TIPIN: variants seen among roughly 807,000 people sequenced by gnomAD.
TIPIN encodes TIMELESS-interacting protein.
TIPIN carries 29 observed loss-of-function variants against 35.6 expected under a neutral mutation model. The observed-to-expected ratio is 0.82, with a 90% CI of 0.61 to 1.11. The LOEUF is 1.11. Among genes scored for constraint, TIPIN ranks in the 50% most tolerant of loss-of-function variants. TIPIN has a pLI of 0.00. For synonymous variants in TIPIN, 102 were observed against 121.5 expected, an observed-to-expected ratio of 0.84 and a Z score of 1.06; for missense variants, 296 against 345.4, an observed-to-expected ratio of 0.86 and a Z score of 1.13.
At chr15:66,348,859 C>A (rs534478789) in intron 6 of TIPIN, among the ~76,000 whole-genome samples, 64 of 152,206 alleles carry the variant, frequency 4.2e-4, no homozygotes, top group African/African-American at 1.5e-3. Context: ...GCGGGAGGAT[C>A]CCTTAAGCCC....
At chr15:66,339,864 A>G (rs1490655547) in intron 7 of TIPIN, among the ~76,000 whole-genome samples, 2 of 151,996 alleles carry the variant, frequency 1.3e-5, no homozygotes, top group African/African-American at 4.8e-5. Context: ...GACAAAACAC[A>G]AGAAAAAGCA....
At chr15:66,378,296 C>A (rs1391421869) in intron 1 of TIPIN, among the ~76,000 whole-genome samples, 1 of 152,094 alleles carries the variant, frequency 6.6e-6, no homozygotes, top group Non-Finnish European at 1.5e-5. Context: ...CCACCGCACC[C>A]GGCCAAATTT....
At chr15:66,375,499 TTATATATA>T (rs71139487) in intron 1 of TIPIN, among the ~76,000 whole-genome samples, 63 of 132,828 alleles carry the variant, frequency 4.7e-4, no homozygotes, top group Non-Finnish European at 3.9e-4. Context: ...ATTGGAAAAG[TTATATATA>T]TATATATATA....
chr15:66,337,206 T>C (rs762132425), intron 7 of TIPIN, 25 bp from the exon 8 acceptor site: 2 of 1,595,968 alleles, frequency 1.3e-6, no homozygotes, highest in South Asian at 2.2e-5. Context: ...ACCATTATTA[T>C]TCATTATAAG....
chr15:66,380,160 C>T (rs987578031), intron 1 of TIPIN, among the ~76,000 whole-genome samples: 12 of 151,976 alleles, frequency 7.9e-5, no homozygotes, highest in South Asian at 6.2e-4. Context: ...CACCACTGCG[C>T]CCGGCTAATT....
At chr15:66,375,500 T>TATAC (rs2093293280) in intron 1 of TIPIN, among the ~76,000 whole-genome samples, 1 of 688 alleles carries the variant, frequency 1.5e-3, no homozygotes, top group Admixed American at 6.4e-3. Flanking sequence ...TTGGAAAAGT[T>TATAC]ATATATATAT....
intron 4 of TIPIN, among the ~76,000 whole-genome samples, chr15:66,349,749 G>A (rs1260434031): frequency 6.6e-6 from 1 of 151,974 alleles, no homozygotes; most frequent in Non-Finnish European, 1.5e-5. Context: ...GCATGGTGGT[G>A]TACACCTGTG....
At position 66,351,605 on chromosome 15, in the gene TIPIN, G is replaced by A; in HGVS notation, c.213-5C>T. 6.3e-7 allele frequency: 1 copy of A among 1,580,224 alleles called. No homozygotes were observed. Among genetic ancestry groups the A allele is most frequent in the South Asian group, 1.2e-5 (1 of 86,722 alleles). On this transcript the variant is annotated splice_polypyrimidine_tract_variant and splice_region_variant and intron_variant, in intron 3 of 7. Coordinates refer to ENST00000261881, the MANE Select transcript of TIPIN (RefSeq NM_017858.3). ...AGTCCTCTCTCTGAAATTAATCTGT[G>A]AATAAAAGTATGTTTTTAATTTCAA...
intron 1 of TIPIN, among the ~76,000 whole-genome samples, chr15:66,385,944 C>A (rs1003332610): frequency 6.6e-6 from 1 of 151,670 alleles, no homozygotes; most frequent in African/African-American, 2.4e-5. Flanking sequence ...ACAACCATGC[C>A]CAGCTAATAG....
intron 1 of TIPIN, among the ~76,000 whole-genome samples, chr15:66,385,809 G>T (rs2093335603): frequency 1.3e-5 from 2 of 149,132 alleles, no homozygotes; most frequent in African/African-American, 5.0e-5. Flanking sequence ...TTTTTAAAGG[G>T]AGTCTTGCTC....
At chr15:66,371,675 G>A (rs562504932) in intron 1 of TIPIN, among the ~76,000 whole-genome samples, 42 of 151,844 alleles carry the variant, frequency 2.8e-4, no homozygotes, top group African/African-American at 9.4e-4. Context: ...CACCATGCCT[G>A]GCTAATTTTT....
chr15:66,371,822 A>G (rs956446981), intron 1 of TIPIN, among the ~76,000 whole-genome samples: 3 of 145,914 alleles, frequency 2.1e-5, no homozygotes, highest in Non-Finnish European at 4.5e-5. Flanking sequence ...TGGCCTGGTA[A>G]TTGTTTCTTT....
intron 5 of TIPIN, 26 bp from the exon 6 acceptor site, chr15:66,349,149 T>G: frequency 6.2e-7 from 1 of 1,605,222 alleles, no homozygotes; most frequent in Non-Finnish European, 8.5e-7. Flanking sequence ...GATTATTTAT[T>G]TTTACCTCTT....
In TIPIN at chr15:66,339,376, G is replaced by C. The variant is rs947435053; in HGVS notation, c.682+1774C>G. Among the ~76,000 whole-genome samples, 4 of 151,432 alleles carry C rather than the reference G, an allele frequency of 2.6e-5. No individual in the cohort carries two copies. The South Asian group carries it at 6.2e-4, about 24-fold the overall frequency. On this transcript the variant is annotated intron_variant, in intron 7 of 7. Coordinates refer to ENST00000261881, the MANE Select transcript of TIPIN (RefSeq NM_017858.3). ...TCTGCCCACCTCAGCCTCCCAAAGT[G>C]CTGGGATTACAGGCAAGAGACACTG...
In TIPIN at chr15:66,351,600, T is replaced by A; in HGVS notation, c.213A>T (p.Arg71Ser). 1.2e-6 allele frequency: 2 copies of A among 1,602,198 alleles called. No individual in the cohort carries two copies. Among genetic ancestry groups the A allele is most frequent in the African/African-American group, 1.3e-5 (1 of 74,298 alleles). ...KRNIPKLDAQ[R>S]LISERGLPAL... ...CTGGAAGTCCTCTCTCTGAAATTAA[T>A]CTGTGAATAAAAGTATGTTTTTAAT... Residue 71 changes from arginine (R) to serine (S), a missense_variant and splice_region_variant, in exon 4 of 8, where the codon AGA (arginine) becomes AGT (serine). Arg to Ser is a moderately radical substitution (Grantham distance 110). Transcript: ENST00000261881.
intron 1 of TIPIN, among the ~76,000 whole-genome samples, chr15:66,354,797 T>C (rs1159205529): frequency 6.6e-6 from 1 of 152,192 alleles, no homozygotes; most frequent in Non-Finnish European, 1.5e-5. Context: ...CTATCACCTT[T>C]TCAAAAGTTT....
chr15:66,375,938 A>C (rs1038964794), intron 1 of TIPIN, among the ~76,000 whole-genome samples: 2 of 151,728 alleles, frequency 1.3e-5, no homozygotes, highest in African/African-American at 4.8e-5. Flanking sequence ...CTGTCTTTAC[A>C]AAAAATAAAA....
intron 1 of TIPIN, chr15:66,371,519 T>TG (rs935174482): frequency 2.7e-5 from 5 of 187,250 alleles, no homozygotes; most frequent in African/African-American, 3.3e-5. Context: ...TAATTGTTTC[T>TG]TTTTTTTTTT....
chr15:66,340,454 G>C (rs1290315223), intron 7 of TIPIN, among the ~76,000 whole-genome samples: 1 of 151,778 alleles, frequency 6.6e-6, no homozygotes, highest in African/African-American at 2.4e-5. Context: ...TGGGATTACA[G>C]GCATGAGCCA....
Sources: gnomAD v4.1 joint callset for allele counts (sites outside exome capture counted in the v4.1 genomes callset) on GRCh38, gnomAD v4.1.1 for gene constraint, MANE v1.5 for transcripts, NCBI Gene and HGNC (gene_info 2026-07-23, HGNC 2026-07-21) for gene names.